PLS1: variants seen among roughly 807,000 people sequenced by gnomAD.
PLS1 encodes the protein plastin-1.
PLS1 carries 32 observed loss-of-function variants against 73.7 expected under a neutral mutation model. The observed-to-expected ratio is 0.43, with a 90% CI of 0.33 to 0.58. The LOEUF is 0.58. Among genes scored for constraint, PLS1 ranks in the 20% least tolerant of loss-of-function variants. PLS1 has a pLI of 0.04. For missense variants in PLS1, 633 were observed against 740.5 expected (o/e 0.85, Z 1.68); for synonymous variants, 217 against 261.3 (o/e 0.83, Z 1.63).
intron 1 of PLS1, among the ~76,000 whole-genome samples, chr3:142,620,495 A>G (rs1359780078): frequency 1.3e-5 from 2 of 152,226 alleles, no homozygotes; most frequent in African/African-American, 2.4e-5. Flanking sequence ...TTAGAAACAA[A>G]TCTCTAAGCA....
chr3:142,670,910 A>C (rs1388300435), intron 3 of PLS1, 83 bp from the exon 4 acceptor site: 1 of 906,184 alleles, frequency 1.1e-6, no homozygotes, highest in Non-Finnish European at 1.7e-6. Context: ...TGTCATTTCA[A>C]ATAAAGAAGT....
At chr3:142,649,764 T>C (rs560731982) in intron 1 of PLS1, among the ~76,000 whole-genome samples, 1 of 152,334 alleles carries the variant, frequency 6.6e-6, no homozygotes, top group South Asian at 2.1e-4. Context: ...ATACTGCTGA[T>C]CAATGTGGGA....
intron 1 of PLS1, among the ~76,000 whole-genome samples, chr3:142,647,684 A>G (rs1353040142): frequency 6.6e-6 from 1 of 151,692 alleles, no homozygotes; most frequent in Non-Finnish European, 1.5e-5. Flanking sequence ...TTGTATTTTT[A>G]GTAGAGACGG....
chr3:142,682,744 A>G (rs2037881713), intron 6 of PLS1, among the ~76,000 whole-genome samples: 1 of 152,222 alleles, frequency 6.6e-6, no homozygotes, highest in African/African-American at 2.4e-5. Context: ...TGAAAGTTGC[A>G]TAGATTTGAT....
intron 1 of PLS1, among the ~76,000 whole-genome samples, chr3:142,603,784 ATACC>A (rs1300434549): frequency 3.3e-5 from 5 of 151,114 alleles, no homozygotes; most frequent in Non-Finnish European, 5.9e-5. Context: ...AAAAAAAAAA[ATACC>A]TACAAGAACA....
At position 142,679,686 on chromosome 3, in the gene PLS1, A is replaced by G. The variant is rs563822391; in HGVS notation, c.579+1573A>G. Among the ~76,000 whole-genome samples, 103 of 151,742 alleles carry G rather than the reference A, an allele frequency of 6.8e-4. 3 individuals are homozygous for G. In the South Asian group the frequency reaches 0.02, roughly 30 times the overall value. On this transcript the variant is annotated intron_variant, in intron 6 of 15. Transcript: ENST00000457734. ...GTTTTGGTTACTGCAGCCTTGTAGT[A>G]TAGTTTGAAGTCAGGTAGCGTGATG...
At chr3:142,617,347 G>C (rs2036234216) in intron 1 of PLS1, among the ~76,000 whole-genome samples, 1 of 152,076 alleles carries the variant, frequency 6.6e-6, no homozygotes, top group Admixed American at 6.6e-5. Context: ...AAATGCTAAA[G>C]AATTCAAGCT....
chr3:142,647,700 C>T (rs924825958), intron 1 of PLS1, among the ~76,000 whole-genome samples: 8 of 151,984 alleles, frequency 5.3e-5, no homozygotes, highest in Non-Finnish European at 1.2e-4. Flanking sequence ...GACGGGGTTT[C>T]GTTATGTTGA....
At chr3:142,647,969 T>C (rs1337913935) in intron 1 of PLS1, among the ~76,000 whole-genome samples, 4 of 152,118 alleles carry the variant, frequency 2.6e-5, no homozygotes, top group Admixed American at 6.5e-5. Flanking sequence ...CTGCAATTGG[T>C]GAGGGATGTC....
intron 1 of PLS1, among the ~76,000 whole-genome samples, chr3:142,661,641 C>A (rs1188847517): frequency 6.6e-6 from 1 of 151,994 alleles, no homozygotes; most frequent in African/African-American, 2.4e-5. Context: ...GATATTGAAC[C>A]TTCTATATAA....
intron 8 of PLS1, among the ~76,000 whole-genome samples, chr3:142,685,329 A>G (rs978228646): frequency 6.6e-6 from 1 of 152,244 alleles, no homozygotes; most frequent in African/African-American, 2.4e-5. Flanking sequence ...AATTCTACTC[A>G]GAGACAAACA....
intron 4 of PLS1, among the ~76,000 whole-genome samples, chr3:142,673,121 A>G (rs2037642431): frequency 6.6e-6 from 1 of 152,088 alleles, no homozygotes; most frequent in Non-Finnish European, 1.5e-5. Context: ...TTCTGACTGC[A>G]GCCTCGACCT....
At chr3:142,679,357 G>A (rs574276005) in intron 6 of PLS1, among the ~76,000 whole-genome samples, 1 of 150,042 alleles carries the variant, frequency 6.7e-6, no homozygotes, top group Admixed American at 6.6e-5. Context: ...CCATGCCTAT[G>A]TCCTGAATGG....
rs185837409 is a variant in PLS1 at position 142,618,878 on chromosome 3, T to A, written c.-37+22369T>A. 3.9e-5 allele frequency among the ~76,000 whole-genome samples: 6 copies of A among 152,282 alleles called. No homozygotes were observed. The East Asian group carries it at 9.7e-4, about 25-fold the overall frequency. On this transcript the variant is annotated intron_variant, in intron 1 of 15. Coordinates refer to ENST00000457734, the MANE Select transcript of PLS1 (RefSeq NM_001145319.2). ...AAGGCCCATACCCTTAATGAACATC[T>A]GCAAAAATCTGTTTTGCCATGTAAG...
At position 142,684,064 on chromosome 3, in the gene PLS1, T is replaced by C. The variant is rs2037910802; in HGVS notation, c.638T>C (p.Ile213Thr). ...GCCATTGGTTGTACAGTGGTCAACA[T>C]TGGTGCATCAGATCTCAAAGAAGGA... Reference protein sequence around the residue: ...ASAIGCTVVNIGASDLKEGKP... With the variant: ...ASAIGCTVVNTGASDLKEGKP... The change falls in exon 7 of 16, where the codon ATT becomes ACT. Residue 213 changes from isoleucine to threonine, a missense_variant. Ile to Thr is a moderately conservative substitution (Grantham distance 89). Coordinates refer to ENST00000457734, the MANE Select transcript of PLS1 (RefSeq NM_001145319.2). 9.3e-6 allele frequency: 15 copies of C among 1,613,794 alleles called. No individual in the cohort carries two copies. The highest frequency in any genetic ancestry group is 1.1e-5 in the Non-Finnish European group (13 of 1,179,720).
intron 1 of PLS1, among the ~76,000 whole-genome samples, chr3:142,654,499 C>T (rs2037174416): frequency 6.6e-6 from 1 of 152,102 alleles, no homozygotes; most frequent in Admixed American, 6.6e-5. Context: ...TGCGTACCAC[C>T]ATGCCTGGCT....
At chr3:142,670,678 T>C (rs927144745) in intron 3 of PLS1, among the ~76,000 whole-genome samples, 1 of 152,234 alleles carries the variant, frequency 6.6e-6, no homozygotes. Context: ...TAAGGCATTC[T>C]TCTATCTTTA....
chr3:142,613,538 G>C (rs965923966), intron 1 of PLS1, among the ~76,000 whole-genome samples: 4 of 152,102 alleles, frequency 2.6e-5, no homozygotes, highest in African/African-American at 9.7e-5. Context: ...TCTGGTCTTA[G>C]AAGGAAAGAG....
intron 5 of PLS1, 37 bp downstream of exon 5, chr3:142,676,326 G>A (rs1191375911): frequency 6.3e-7 from 1 of 1,598,692 alleles, no homozygotes; most frequent in Admixed American, 1.7e-5. Flanking sequence ...CTGCGTTCTT[G>A]CTGATTACAT....
Sources: gnomAD v4.1 joint callset for allele counts (sites outside exome capture counted in the v4.1 genomes callset) on GRCh38, gnomAD v4.1.1 for gene constraint, MANE v1.5 for transcripts, NCBI Gene and HGNC (gene_info 2026-07-23, HGNC 2026-07-21) for gene names.